The following CDH12 variants were observed in gnomAD, a reference collection of about 807,000 sequenced individuals.
CDH12 encodes the protein cadherin 12.
In CDH12, 41 loss-of-function variants were observed where a neutral mutation model predicts 74.1. That is an observed-to-expected ratio of 0.55 (90% confidence interval 0.43 to 0.72). The LOEUF is 0.72. CDH12 is among the 30% of genes least tolerant of loss of function. CDH12 has a pLI of 0.00. For synonymous variants in CDH12, 399 were observed against 355.0 expected (o/e 1.12, Z -1.39); for missense variants, 945 against 977.2 (o/e 0.97, Z 0.44).
At chr5:22,604,154 T>C (rs1399564291) in intron 1 of CDH12, among the ~76,000 whole-genome samples, 1 of 152,206 alleles carries the variant, frequency 6.6e-6, no homozygotes, top group East Asian at 1.9e-4. Flanking sequence ...GTAACATCCA[T>C]CCAGGCTACT....
intron 6 of CDH12, among the ~76,000 whole-genome samples, chr5:21,925,146 G>A (rs540484819): frequency 1.5e-4 from 23 of 152,268 alleles, no homozygotes; most frequent in African/African-American, 5.3e-4. Context: ...ATATTCCTGA[G>A]GCTAGATCCA....
chr5:22,294,287 G>A (rs1737529242), intron 3 of CDH12, among the ~76,000 whole-genome samples: 1 of 152,084 alleles, frequency 6.6e-6, no homozygotes, highest in Admixed American at 6.6e-5. Context: ...AAAGGCTGAG[G>A]AATCTAAGAG....
At chr5:22,376,861 TA>T (rs1214125442) in intron 3 of CDH12, among the ~76,000 whole-genome samples, 1 of 151,934 alleles carries the variant, frequency 6.6e-6, no homozygotes, top group Non-Finnish European at 1.5e-5. Context: ...ACCCCATAAG[TA>T]TGTAAAATAG....
At chr5:22,825,226 A>ATGTG (rs905115246) in intron 1 of CDH12, among the ~76,000 whole-genome samples, 1 of 151,670 alleles carries the variant, frequency 6.6e-6, no homozygotes, top group Non-Finnish European at 1.5e-5. Context: ...TGGTGTGGGT[A>ATGTG]TGTGTGTGTG....
intron 5 of CDH12, among the ~76,000 whole-genome samples, chr5:22,021,696 A>G (rs1006300552): frequency 6.6e-6 from 1 of 152,234 alleles, no homozygotes. Flanking sequence ...TTTTCATTCA[A>G]TTGGAATAGG....
At chr5:22,657,478 G>C in intron 1 of CDH12, among the ~76,000 whole-genome samples, 1 of 152,092 alleles carries the variant, frequency 6.6e-6, no homozygotes, top group Non-Finnish European at 1.5e-5. Context: ...AGAAATCATT[G>C]GTTTTTCTTA....
At chr5:21,834,660 A>G (rs1009903184) in intron 8 of CDH12, among the ~76,000 whole-genome samples, 9 of 152,140 alleles carry the variant, frequency 5.9e-5, no homozygotes, top group Admixed American at 2.6e-4. Flanking sequence ...TAATTGAAAC[A>G]TTAACATATC....
At position 22,266,691 on chromosome 5, in the gene CDH12, C is replaced by T. The variant is rs933593947; in HGVS notation, c.-332-54048G>A. ...TTTGGATTAGAGAGTACAGATTAAT[C>T]AGTACATAAGGAGTATTTTATGCTA... On this transcript the variant is annotated intron_variant, in intron 3 of 14. Transcript: ENST00000382254. Among the ~76,000 whole-genome samples, 4 of 152,160 alleles carry T rather than the reference C, an allele frequency of 2.6e-5. No homozygotes were observed. In the South Asian group the frequency reaches 6.2e-4, roughly 24 times the overall value.
chr5:22,410,049 T>C (rs575717147), intron 2 of CDH12, among the ~76,000 whole-genome samples: 3 of 152,224 alleles, frequency 2.0e-5, no homozygotes, highest in East Asian at 1.9e-4. Flanking sequence ...CAGATTTTGA[T>C]TTGATTGTGA....
At chr5:21,908,579 C>T (rs1753738053) in intron 6 of CDH12, among the ~76,000 whole-genome samples, 1 of 152,170 alleles carries the variant, frequency 6.6e-6, no homozygotes. Flanking sequence ...ACTGAACACA[C>T]ATATTTCAAG....
At chr5:21,991,040 G>A (rs939857525) in intron 5 of CDH12, among the ~76,000 whole-genome samples, 10 of 151,472 alleles carry the variant, frequency 6.6e-5, no homozygotes, top group South Asian at 4.2e-4. Flanking sequence ...CCAAGTTTTC[G>A]TTTTGTGACA....
chr5:21,849,996 G>A (rs1750376423), intron 7 of CDH12, among the ~76,000 whole-genome samples: 1 of 151,624 alleles, frequency 6.6e-6, no homozygotes, highest in South Asian at 2.1e-4. Context: ...CCTGCCATTT[G>A]CTACAACATG....
chr5:22,358,970 A>G (rs1297400219), intron 3 of CDH12, among the ~76,000 whole-genome samples: 1 of 152,232 alleles, frequency 6.6e-6, no homozygotes, highest in Non-Finnish European at 1.5e-5. Flanking sequence ...AGCCACTGCA[A>G]AAACATGCCA....
intron 1 of CDH12, among the ~76,000 whole-genome samples, chr5:22,532,183 GCA>G (rs1737613324): frequency 6.6e-6 from 1 of 150,724 alleles, no homozygotes; most frequent in South Asian, 2.1e-4. Context: ...GCTCGCCCTG[GCA>G]CAGTTACACA....
At chr5:22,595,174 A>G (rs113772556) in intron 1 of CDH12, among the ~76,000 whole-genome samples, 5 of 152,174 alleles carry the variant, frequency 3.3e-5, no homozygotes, top group African/African-American at 1.2e-4. Flanking sequence ...TATACACTAT[A>G]TTTTATATGG....
intron 11 of CDH12, among the ~76,000 whole-genome samples, chr5:21,775,701 A>G (rs1190919999): frequency 6.6e-6 from 1 of 151,718 alleles, no homozygotes; most frequent in East Asian, 1.9e-4. Flanking sequence ...ATGTGACACT[A>G]TGTTTAGGTC....
intron 5 of CDH12, among the ~76,000 whole-genome samples, chr5:22,069,592 A>G (rs534923968): frequency 6.0e-4 from 91 of 152,296 alleles, no homozygotes; most frequent in Non-Finnish European, 1.1e-3. Context: ...TGTTTCCACC[A>G]GGACACAAAA....
chr5:22,711,436 C>G (rs1743279826), intron 1 of CDH12, among the ~76,000 whole-genome samples: 1 of 152,040 alleles, frequency 6.6e-6, no homozygotes, highest in African/African-American at 2.4e-5. Context: ...TTCAGCACAC[C>G]ATACACAAAA....
intron 4 of CDH12, among the ~76,000 whole-genome samples, chr5:22,208,324 C>T (rs1751338500): frequency 6.6e-6 from 1 of 152,138 alleles, no homozygotes; most frequent in Non-Finnish European, 1.5e-5. Context: ...GCATGGTATG[C>T]CTGGAATACG....
Sources: allele counts gnomAD v4.1 joint callset (sites outside exome capture counted in the v4.1 genomes callset), GRCh38; gene constraint gnomAD v4.1.1; transcripts MANE v1.5; gene names NCBI Gene and HGNC (gene_info 2026-07-23, HGNC 2026-07-21).